The following NUP107 variants were observed in gnomAD, a reference collection of about 807,000 sequenced individuals.
The protein encoded by NUP107 is nucleoporin 107.
In NUP107, 101 loss-of-function variants were observed where a neutral mutation model predicts 141.0. The ratio of observed to expected loss-of-function variants is 0.72; its 90% CI spans 0.61 to 0.84. The LOEUF (loss-of-function observed/expected upper bound fraction) is 0.84. Ranked by LOEUF, NUP107 falls within the 40% of genes least tolerant of loss-of-function variation. NUP107 has a pLI of 0.00. For synonymous variants in NUP107, 319 were observed against 363.9 expected (o/e 0.88, Z 1.41); for missense variants, 941 against 1,102.7 (o/e 0.85, Z 2.08).
intron 5 of NUP107, among the ~76,000 whole-genome samples, chr12:68,693,168 G>C (rs1025712207): frequency 6.6e-6 from 1 of 150,936 alleles, no homozygotes; most frequent in African/African-American, 2.4e-5. Context: ...ACCTCTACCT[G>C]CTGTATTCAA....
intron 8 of NUP107, among the ~76,000 whole-genome samples, chr12:68,705,203 T>G (rs1310741415): frequency 6.6e-6 from 1 of 152,232 alleles, no homozygotes; most frequent in Non-Finnish European, 1.5e-5. Context: ...CAAATGCACA[T>G]GTAGGAAGAC....
chr12:68,736,141 G>T (rs1878057991), intron 26 of NUP107, among the ~76,000 whole-genome samples: 1 of 152,188 alleles, frequency 6.6e-6, no homozygotes, highest in Non-Finnish European at 1.5e-5. Flanking sequence ...CTGAGGAGCT[G>T]TCTGAGAGCT....
At chr12:68,701,058 G>C (rs1876306054) in intron 7 of NUP107, among the ~76,000 whole-genome samples, 1 of 152,170 alleles carries the variant, frequency 6.6e-6, no homozygotes, top group Admixed American at 6.6e-5. Flanking sequence ...ACCAAAATTG[G>C]ATGTGTGTAA....
In NUP107 at chr12:68,721,839, A is replaced by T; in HGVS notation, c.1312-2A>T. 1 of 1,610,710 alleles carries T rather than the reference A, an allele frequency of 6.2e-7. No individual in the cohort carries two copies. The highest frequency in any genetic ancestry group is 8.5e-7 in the Non-Finnish European group (1 of 1,179,132). On this transcript the variant is annotated splice_acceptor_variant, in intron 15 of 27. Transcript: ENST00000229179. LOFTEE classifies it high-confidence loss of function. ...TGTTTCTGTTTTGTAATGGGGAAAA[A>T]GCTGCTTCCTGTCTGTGACACCTGG...
Position 68,733,588 on chromosome 12 carries a change from AC to A in NUP107, c.2239del (p.His747IlefsTer21), listed in dbSNP as rs1180723849. 6.2e-7 allele frequency: 1 copy of A among 1,612,280 alleles called. No homozygotes were observed. Among genetic ancestry groups the A allele is most frequent in the East Asian group, 2.2e-5 (1 of 44,782 alleles). The part of the protein sequence containing the change: ...PAEDDNAIRE[H>X]LCIRAYLEAH... Reference sequence around the variant, plus strand: ...CTGAAGATGATAATGCTATCCGAGAACATTTGTGCATCAGAGCTTATTTGGT... The same window carrying A: ...CTGAAGATGATAATGCTATCCGAGAAATTTGTGCATCAGAGCTTATTTGGT... On this transcript the variant is annotated frameshift_variant, in exon 24 of 28. Transcript: ENST00000229179. LOFTEE classifies it high-confidence loss of function.
At position 68,689,044 on chromosome 12, in the gene NUP107, A is replaced by G. The variant is rs201609471; in HGVS notation, c.91A>G (p.Arg31Gly). The change falls in exon 2 of 28, where the codon AGA (arginine) becomes GGA (glycine). Residue 31 changes from arginine to glycine, a missense_variant. Physicochemically the swap from Arg to Gly is moderately radical, Grantham distance 125. Transcript: ENST00000229179. ...RTARKQSAQK[R>G]VLLQASQDEN... The stretch of plus-strand genomic sequence containing the variant: ...TGCACGGAAACAGAGTGCTCAGAAA[A>G]GAGTTTTACGTATCCTTTGCGATTT... 7.3e-4 allele frequency: 1,181 copies of G among 1,611,732 alleles called. 10 individuals are homozygous for G. Among genetic ancestry groups the G allele is most frequent in the South Asian group, 6.8e-3 (622 of 90,856 alleles).
At chr12:68,712,764 T>G (rs1280618067) in intron 10 of NUP107, among the ~76,000 whole-genome samples, 1 of 151,956 alleles carries the variant, frequency 6.6e-6, no homozygotes, top group African/African-American at 2.4e-5. Flanking sequence ...CACACTGATA[T>G]GGTCATTTGG....
Position 68,689,391 on chromosome 12 carries a change from C to A in NUP107, c.101-142C>A, listed in dbSNP as rs549569242. 33 of 584,808 alleles carry A rather than the reference C, an allele frequency of 5.6e-5. No homozygotes were observed. In the Admixed American group the frequency reaches 7.9e-4, roughly 14 times the overall value. The allele number at this position is 584,808 out of a possible 1,614,324, so 36.2% of individuals were successfully genotyped here. ...AATGGCAGAAGCAATGAATTATTTA[C>A]CCTTTGCATTGAAAAATGGTAGCCC... is the stretch of plus-strand genomic sequence containing the variant. On this transcript the variant is annotated intron_variant, in intron 2 of 27. Transcript: ENST00000229179.
chr12:68,689,199 G>T, intron 2 of NUP107, 146 bp downstream of exon 2: 1 of 570,634 alleles, frequency 1.8e-6, no homozygotes, highest in South Asian at 2.7e-5. Flanking sequence ...GCTGTCATTT[G>T]GTAAATATAA....
chr12:68,689,042 A>G lies in NUP107; in HGVS notation c.89A>G (p.Lys30Arg). ...TRTARKQSAQ[K>R]RVLLQASQDE... Reference sequence around the variant, plus strand: ...ACTGCACGGAAACAGAGTGCTCAGAAAAGAGTTTTACGTATCCTTTGCGAT... The same window carrying G: ...ACTGCACGGAAACAGAGTGCTCAGAGAAGAGTTTTACGTATCCTTTGCGAT... The change falls in exon 2 of 28, where the codon AAA becomes AGA. Residue 30 changes from lysine (K) to arginine (R), a missense_variant. Physicochemically the swap from Lys to Arg is conservative, Grantham distance 26 (BLOSUM62 2). Coordinates refer to ENST00000229179, the MANE Select transcript of NUP107 (RefSeq NM_020401.4). 6.2e-7 allele frequency: 1 copy of G among 1,612,110 alleles called. No individual in the cohort carries two copies. Among genetic ancestry groups the G allele is most frequent in the South Asian group, 1.1e-5 (1 of 90,886 alleles).
In NUP107 at chr12:68,743,171, G is replaced by T. The variant is rs1444821890; in HGVS notation, c.*709G>T. ...CCAGCACTTCGGGAGGCCGAGGCAG[G>T]TGGATCACCTGTCGTCAGGAGTTTG... On this transcript the variant is annotated 3_prime_UTR_variant, in exon 28 of 28. Transcript: ENST00000229179. 1.3e-5 allele frequency: 2 copies of T among 152,384 alleles called. No individual in the cohort carries two copies. The highest frequency in any genetic ancestry group is 4.1e-4 in the South Asian group (2 of 4,828). 9.4% of individuals were successfully genotyped at this position (152,384 alleles called of 1,614,324 possible). A position where few individuals can be genotyped will look rare whatever the true frequency, so the allele number is the denominator to read the frequency against.
chr12:68,716,237 C>CTTTTTTTTTT lies in NUP107; in HGVS notation c.1083+500_1083+501insTTTTTTTTTT, dbSNP rs1304801302. ...TTCCTTTTTCTTTCTTTCTTTCTTTCTTTCTTTCTTTTTTTTTTTGAGATG... is the reference window on the plus strand; with the variant it reads ...TTCCTTTTTCTTTCTTTCTTTCTTTCTTTTTTTTTTTTTCTTTCTTTTTTTTTTTGAGATG... On this transcript the variant is annotated intron_variant, in intron 12 of 27. Transcript: ENST00000229179. Among the ~76,000 whole-genome samples, 2 of 115,512 alleles carry CTTTTTTTTTT rather than the reference C, an allele frequency of 1.7e-5. 1 individual carries two copies. Among genetic ancestry groups the CTTTTTTTTTT allele is most frequent in the African/African-American group, 6.2e-5 (2 of 32,474 alleles). 75.8% of individuals were successfully genotyped at this position (115,512 alleles called of 152,430 possible). A position where few individuals can be genotyped will look rare whatever the true frequency, so the allele number is the denominator to read the frequency against.
intron 5 of NUP107, among the ~76,000 whole-genome samples, chr12:68,695,402 T>C (rs1389889292): frequency 6.6e-6 from 1 of 152,166 alleles, no homozygotes; most frequent in Non-Finnish European, 1.5e-5. Flanking sequence ...GGAAACAAAA[T>C]GTGATCTATA....
chr12:68,702,555 G>A (rs558142446), intron 7 of NUP107, among the ~76,000 whole-genome samples, 181 bp from the exon 8 acceptor site: 2 of 152,214 alleles, frequency 1.3e-5, no homozygotes, highest in African/African-American at 2.4e-5. Flanking sequence ...ATGAGCCAGT[G>A]TGCCCGGCCT....
Position 68,700,797 on chromosome 12 carries a change from G to T in NUP107, c.624G>T (p.Met208Ile). 6.2e-7 allele frequency: 1 copy of T among 1,610,646 alleles called. No homozygotes were observed. The highest frequency in any genetic ancestry group is 8.5e-7 in the Non-Finnish European group (1 of 1,178,816). Residue 208 changes from methionine to isoleucine, a missense_variant, in exon 7 of 28, where the codon ATG becomes ATT. Physicochemically the swap from Met to Ile is conservative, Grantham distance 10. Transcript: ENST00000229179. Reference sequence around the variant, plus strand: ...AAAAATTTTCAAAAACAGCCAGTATGCTCTGGCTTCTTCAACAGGAGATGG... The same window carrying T: ...AAAAATTTTCAAAAACAGCCAGTATTCTCTGGCTTCTTCAACAGGAGATGG... ...GLQKFSKTAS[M>I]LWLLQQEMVT...
At chr12:68,730,460 C>A (rs1409124070) in intron 20 of NUP107, among the ~76,000 whole-genome samples, 1 of 151,964 alleles carries the variant, frequency 6.6e-6, no homozygotes, top group Non-Finnish European at 1.5e-5. Context: ...CTTAGGTGAT[C>A]CGCCTGCCTC....
intron 25 of NUP107, 28 bp from the exon 26 acceptor site, chr12:68,735,203 A>G: frequency 7.2e-7 from 1 of 1,385,992 alleles, no homozygotes; most frequent in Non-Finnish European, 1.0e-6. Flanking sequence ...TTTATCCATT[A>G]TATGTCTGCC....
chr12:68,700,940 C>G, intron 7 of NUP107, 87 bp downstream of exon 7: 1 of 1,328,092 alleles, frequency 7.5e-7, no homozygotes, highest in South Asian at 1.7e-5. Flanking sequence ...GTAGGTCGTG[C>G]TTGGAAATAG....
intron 18 of NUP107, 122 bp from the exon 19 acceptor site, chr12:68,726,377 C>T: frequency 1.5e-6 from 1 of 646,066 alleles, no homozygotes; most frequent in Non-Finnish European, 2.7e-6. Context: ...TATATCATGG[C>T]TATTAATTAT....
Sources: allele counts gnomAD v4.1 joint callset (sites outside exome capture counted in the v4.1 genomes callset), GRCh38; gene constraint gnomAD v4.1.1; transcripts MANE v1.5; gene names NCBI Gene and HGNC (gene_info 2026-07-23, HGNC 2026-07-21).